Variants in TRIM5 observed in about 807,000 individuals in gnomAD.
TRIM5 encodes tripartite motif-containing protein 5.
Under a neutral mutation model 35.6 loss-of-function variants are expected in TRIM5, and 31 were observed. The observed-to-expected ratio is 0.87, with a 90% confidence interval of 0.65 to 1.18. TRIM5 has a LOEUF of 1.18. TRIM5 is among the 50% of genes most tolerant of loss of function. TRIM5 has a pLI of 0.00. For missense variants in TRIM5, 609 were observed against 591.6 expected, an observed-to-expected ratio of 1.03 and a Z score of -0.31; for synonymous variants, 243 against 215.6, an observed-to-expected ratio of 1.13 and a Z score of -1.11.
At chr11:5,639,551 G>A in the TRIM5 span, among the ~76,000 whole-genome samples, 3 of 151,738 alleles carry the variant, frequency 2.0e-5, no homozygotes, top group Admixed American at 6.6e-5. Flanking sequence ...ATGGTGGCAC[G>A]TACCTGTAGT....
downstream of TRIM5, among the ~76,000 whole-genome samples, chr11:5,661,609 AGAC>A (rs1309855111): frequency 2.0e-5 from 3 of 152,190 alleles, no homozygotes; most frequent in Non-Finnish European, 4.4e-5. Context: ...TCAGAATAGA[AGAC>A]GACATAATTG....
At chr11:5,610,900 G>A in the TRIM5 span, 1 of 1,614,210 alleles carries the variant, frequency 6.2e-7, no homozygotes. Context: ...CATTATGACT[G>A]TAGTGTCCTG....
At chr11:5,640,434 A>T in the TRIM5 span, among the ~76,000 whole-genome samples, 6 of 152,028 alleles carry the variant, frequency 3.9e-5, no homozygotes, top group Non-Finnish European at 8.8e-5. Context: ...GGTATATTAC[A>T]TCAATTGATT....
At chr11:5,642,515 A>T in the TRIM5 span, 6 of 1,613,172 alleles carry the variant, frequency 3.7e-6, no homozygotes, top group Non-Finnish European at 5.1e-6. Context: ...AGGTGAGGAG[A>T]AGCAGACAAA....
the TRIM5 span, among the ~76,000 whole-genome samples, chr11:5,615,399 C>T: frequency 1.3e-5 from 2 of 152,080 alleles, no homozygotes; most frequent in East Asian, 3.9e-4. Flanking sequence ...TGAGATTTTG[C>T]TTTCTGATTT....
At chr11:5,666,378 TAAA>T (rs397738949) in intron 5 of TRIM5, 178 of 180,614 alleles carry the variant, frequency 9.9e-4, no homozygotes, top group South Asian at 3.1e-3. Flanking sequence ...TCATAGGACA[TAAA>T]AAAAAAAAAA....
the TRIM5 span, among the ~76,000 whole-genome samples, chr11:5,657,555 AT>A: frequency 1.6e-3 from 159 of 97,960 alleles, no homozygotes; most frequent in African/African-American, 4.6e-3. Flanking sequence ...TATATAATGC[AT>A]TTATATATAT....
chr11:5,659,287 A>G (rs537676777), downstream of TRIM5, among the ~76,000 whole-genome samples: 5 of 152,284 alleles, frequency 3.3e-5, no homozygotes, highest in African/African-American at 1.2e-4. Context: ...GCAGCAGGGC[A>G]CTGAAGCGAG....
chr11:5,665,891 T>C, intron 6 of TRIM5, 90 bp downstream of exon 6: 1 of 1,364,726 alleles, frequency 7.3e-7, no homozygotes, highest in Non-Finnish European at 1.0e-6. Context: ...ATCCCCTCTA[T>C]CCATATTTGG....
the TRIM5 span, chr11:5,610,302 A>T: frequency 6.2e-7 from 1 of 1,610,834 alleles, no homozygotes. Flanking sequence ...GGGAAGAAAT[A>T]AACGGGATAG....
chr11:5,607,170 C>G, the TRIM5 span, among the ~76,000 whole-genome samples: 10 of 152,142 alleles, frequency 6.6e-5, no homozygotes, highest in Middle Eastern at 3.4e-3. Context: ...CACCACTGCA[C>G]TCCAGCCTGG....
chr11:5,617,822 T>C, the TRIM5 span, among the ~76,000 whole-genome samples: 4 of 150,064 alleles, frequency 2.7e-5, no homozygotes, highest in African/African-American at 7.5e-5. Context: ...CCTATGAAAA[T>C]AGGTACTGTC....
At chr11:5,614,326 G>T in the TRIM5 span, among the ~76,000 whole-genome samples, 11 of 152,302 alleles carry the variant, frequency 7.2e-5, no homozygotes, top group African/African-American at 2.6e-4. Context: ...ACCCCAGAAT[G>T]GTAACAGCAT....
chr11:5,620,733 T>C, the TRIM5 span, among the ~76,000 whole-genome samples: 133 of 152,270 alleles, frequency 8.7e-4, no homozygotes, highest in African/African-American at 3.0e-3. Context: ...TGCAATGGTG[T>C]TTGTCAGTGT....
chr11:5,634,821 T>G, the TRIM5 span: 1 of 1,613,492 alleles, frequency 6.2e-7, no homozygotes, highest in Non-Finnish European at 8.5e-7. Context: ...ATCTCAGATG[T>G]GGAGTGTCGG....
intron 7 of TRIM5, 96 bp from the exon 8 acceptor site, chr11:5,665,491 G>C (rs1851060754): frequency 6.5e-7 from 1 of 1,543,548 alleles, no homozygotes; most frequent in Non-Finnish European, 8.7e-7. Context: ...AAACTGGGAG[G>C]AACCTTGTTT....
the TRIM5 span, among the ~76,000 whole-genome samples, chr11:5,658,166 C>T: frequency 3.3e-5 from 5 of 152,170 alleles, no homozygotes; most frequent in African/African-American, 1.2e-4. Context: ...GGAAGAGACA[C>T]AAGCAACTGA....
chr11:5,683,611 G>T (rs569561661), intron 1 of TRIM5, among the ~76,000 whole-genome samples: 1 of 150,420 alleles, frequency 6.6e-6, no homozygotes, highest in Non-Finnish European at 1.5e-5. Flanking sequence ...TGTCTAGCTC[G>T]GGGTTTGTGA....
At position 5,666,078 on chromosome 11, in the gene TRIM5, C is replaced by T. The variant is rs143311659; in HGVS notation, c.771G>A (p.Thr257=). ...LQGVDGVIKR[T]ENVTLKKPET... is the part of the protein sequence containing the mutation. ...CTGGCTTCTTCAAGGTCACGTTCTC[C>T]GTCCTAAGAATTAAAAAAAAAAAAA... Residue 257 remains threonine, a synonymous_variant, in exon 6 of 8, where the codon ACG becomes ACA. Coordinates refer to ENST00000380034, the MANE Select transcript of TRIM5 (RefSeq NM_033034.3). 8.7e-5 allele frequency: 138 copies of T among 1,586,696 alleles called. 1 individual carries two copies. The highest frequency in any genetic ancestry group is 8.4e-4 in the Middle Eastern group (5 of 5,936).
Sources: allele counts gnomAD v4.1 joint callset (sites outside exome capture counted in the v4.1 genomes callset), GRCh38; gene constraint gnomAD v4.1.1; transcripts MANE v1.5; gene names NCBI Gene and HGNC (gene_info 2026-07-23, HGNC 2026-07-21).